Variants in EPHX4 observed in about 807,000 individuals in gnomAD.
EPHX4 encodes the protein epoxide hydrolase 4.
In EPHX4, 31 loss-of-function variants were observed where a neutral mutation model predicts 44.9. The ratio of observed to expected loss-of-function variants is 0.69; its 90% CI spans 0.52 to 0.93. The LOEUF (loss-of-function observed/expected upper bound fraction) is 0.93, where lower values mean the gene tolerates loss of function less well. Ranked by LOEUF, EPHX4 falls within the 40% of genes least tolerant of loss-of-function variation. The pLI is 0.00. For synonymous variants in EPHX4, 151 were observed against 159.7 expected (o/e 0.95, Z 0.41); for missense variants, 373 against 438.1 (o/e 0.85, Z 1.33).
At chr1:92,031,413 A>T (rs1200242748) in intron 1 of EPHX4, among the ~76,000 whole-genome samples, 2 of 152,296 alleles carry the variant, frequency 1.3e-5, no homozygotes, top group East Asian at 3.9e-4. Flanking sequence ...TAAAAGTAGT[A>T]TAAGAACCAT....
chr1:92,047,632 A>G (rs1436401974), intron 4 of EPHX4, among the ~76,000 whole-genome samples: 5 of 152,300 alleles, frequency 3.3e-5, no homozygotes, highest in African/African-American at 1.2e-4. Flanking sequence ...ACTTAATTAA[A>G]TGTAATTAAT....
chr1:92,051,767 A>G (rs1647259315), intron 5 of EPHX4, among the ~76,000 whole-genome samples: 1 of 152,188 alleles, frequency 6.6e-6, no homozygotes, highest in Non-Finnish European at 1.5e-5. Context: ...AAAATTTCCT[A>G]ACATCCTTCC....
chr1:92,054,062 C>G (rs1647309677), intron 6 of EPHX4, among the ~76,000 whole-genome samples: 1 of 152,178 alleles, frequency 6.6e-6, no homozygotes. Context: ...GATTCCATTT[C>G]TCTTAAGAAT....
chr1:92,042,272 T>C (rs1688518992), intron 2 of EPHX4, among the ~76,000 whole-genome samples: 1 of 152,174 alleles, frequency 6.6e-6, no homozygotes, highest in Non-Finnish European at 1.5e-5. Flanking sequence ...TTTCTGTAAA[T>C]AGTGGCACTT....
chr1:92,038,739 T>C lies in EPHX4; in HGVS notation c.318-4084T>C, dbSNP rs1381592189. On this transcript the variant is annotated intron_variant, in intron 2 of 6. Coordinates refer to ENST00000370383, the MANE Select transcript of EPHX4 (RefSeq NM_173567.5). ...CAGGGATTATGGGGTAATAGGGGAA[T>C]GGTGGGGAGTGATGGTATTTCAGAC... 2.0e-5 allele frequency among the ~76,000 whole-genome samples: 3 copies of C among 152,144 alleles called. No homozygotes were observed. The East Asian group carries it at 5.8e-4, about 29-fold the overall frequency.
At chr1:92,058,362 A>C (rs888114925) in intron 6 of EPHX4, among the ~76,000 whole-genome samples, 6 of 151,610 alleles carry the variant, frequency 4.0e-5, no homozygotes, top group Admixed American at 1.3e-4. Context: ...AATCAGTTGA[A>C]CCTGGGAGGT....
chr1:92,059,926 C>A (rs1048026281), intron 6 of EPHX4, among the ~76,000 whole-genome samples: 2 of 149,044 alleles, frequency 1.3e-5, no homozygotes, highest in Non-Finnish European at 3.0e-5. Context: ...GTGGCATGAT[C>A]ACACTTCACT....
At chr1:92,039,149 A>C (rs1026216730) in intron 2 of EPHX4, among the ~76,000 whole-genome samples, 1 of 152,228 alleles carries the variant, frequency 6.6e-6, no homozygotes, top group African/African-American at 2.4e-5. Context: ...GCAATAGTCA[A>C]ATCTTTCAGA....
intron 5 of EPHX4, among the ~76,000 whole-genome samples, chr1:92,051,425 G>A (rs1647249926): frequency 1.3e-5 from 2 of 151,876 alleles, no homozygotes; most frequent in South Asian, 4.2e-4. Context: ...CTTTTAAAAT[G>A]TATACTAGTG....
At chr1:92,033,072 C>T (rs1178038303) in intron 2 of EPHX4, among the ~76,000 whole-genome samples, 6 of 149,382 alleles carry the variant, frequency 4.0e-5, no homozygotes, top group Non-Finnish European at 4.5e-5. Context: ...CATCTACCAC[C>T]ACACCTAGCT....
At chr1:92,062,520 G>T (rs183819112) in intron 6 of EPHX4, among the ~76,000 whole-genome samples, 69 of 149,454 alleles carry the variant, frequency 4.6e-4, no homozygotes, top group African/African-American at 1.7e-3. Flanking sequence ...GGAGGGTGGA[G>T]GTTGCAGTGA....
At chr1:92,040,533 C>T (rs185097617) in intron 2 of EPHX4, among the ~76,000 whole-genome samples, 31 of 152,180 alleles carry the variant, frequency 2.0e-4, no homozygotes, top group Middle Eastern at 3.4e-3. Context: ...CCATATTGGT[C>T]AGGCTGGTCT....
At position 92,030,112 on chromosome 1, in the gene EPHX4, G is replaced by T. The variant is rs1688330995; in HGVS notation, c.33G>T (p.Leu11=). 6.2e-7 allele frequency: 1 copy of T among 1,608,650 alleles called. No homozygotes were observed. The highest frequency in any genetic ancestry group is 1.3e-5 in the African/African-American group (1 of 74,388). Residue 11 remains leucine (L), a synonymous_variant, in exon 1 of 7, where the codon CTG becomes CTT. Transcript: ENST00000370383. ...GGCTGCGGGATTGCCTGCCCCGCCT[G>T]ATGCTCACGCTCCGGTCCCTGCTCT... MARLRDCLPR[L]MLTLRSLLFW...
chr1:92,049,959 C>T (rs1241673062), intron 4 of EPHX4, among the ~76,000 whole-genome samples: 2 of 151,918 alleles, frequency 1.3e-5, no homozygotes, highest in Admixed American at 6.6e-5. Flanking sequence ...ATTAGCCGGG[C>T]TCGGTGGTGG....
At chr1:92,030,390 C>G (rs1430922717) in intron 1 of EPHX4, 80 bp downstream of exon 1, 9 of 1,302,062 alleles carry the variant, frequency 6.9e-6, no homozygotes, top group Middle Eastern at 2.6e-4. Flanking sequence ...CTTCTCCTTC[C>G]GAGACGCTGG....
chr1:92,040,285 C>G (rs1688490929), intron 2 of EPHX4, among the ~76,000 whole-genome samples: 1 of 149,278 alleles, frequency 6.7e-6, no homozygotes, highest in Non-Finnish European at 1.5e-5. Flanking sequence ...AAGCCATCGT[C>G]CCACCTCAGG....
intron 6 of EPHX4, among the ~76,000 whole-genome samples, chr1:92,054,271 GA>G (rs1557885939): frequency 6.6e-6 from 1 of 152,090 alleles, no homozygotes; most frequent in Non-Finnish European, 1.5e-5. Context: ...TCCCACAGAT[GA>G]AGTCCCCTAA....
At position 92,063,439 on chromosome 1, in the gene EPHX4, T is replaced by G; in HGVS notation, c.*153T>G. On this transcript the variant is annotated 3_prime_UTR_variant, in exon 7 of 7. Coordinates refer to ENST00000370383, the MANE Select transcript of EPHX4 (RefSeq NM_173567.5). Reference sequence around the variant, plus strand: ...CTGACAAATGGTATTGAAAAAAATCTGAGATCATGTGAACATATAATACAA... The same window carrying G: ...CTGACAAATGGTATTGAAAAAAATCGGAGATCATGTGAACATATAATACAA... 1 of 586,906 alleles carries G rather than the reference T, an allele frequency of 1.7e-6. No individual in the cohort carries two copies. The highest frequency in any genetic ancestry group is 2.5e-5 in the South Asian group (1 of 39,224). The allele number at this position is 586,906 out of a possible 1,614,324, so 36.4% of individuals were successfully genotyped here. A position where few individuals can be genotyped will look rare whatever the true frequency, so the allele number is the denominator to read the frequency against.
At chr1:92,037,853 C>A (rs957226553) in intron 2 of EPHX4, among the ~76,000 whole-genome samples, 3 of 152,162 alleles carry the variant, frequency 2.0e-5, no homozygotes, top group Admixed American at 2.0e-4. Context: ...TATTTATAAT[C>A]TTTTTAGGGT....
Sources: gnomAD v4.1 joint callset for allele counts (sites outside exome capture counted in the v4.1 genomes callset) on GRCh38, gnomAD v4.1.1 for gene constraint, MANE v1.5 for transcripts, NCBI Gene and HGNC (gene_info 2026-07-23, HGNC 2026-07-21) for gene names.